RALYL: variants seen among roughly 807,000 people sequenced by gnomAD.
The protein encoded by RALYL is RALY RNA binding protein like.
RALYL carries 29 observed loss-of-function variants against 35.1 expected under a neutral mutation model. The observed-to-expected ratio is 0.83, with a 90% CI of 0.61 to 1.13. RALYL has a LOEUF of 1.13. Among genes scored for constraint, RALYL ranks in the 50% most tolerant of loss-of-function variants. RALYL has a pLI of 0.00. For synonymous variants in RALYL, 120 were observed against 127.6 expected, an observed-to-expected ratio of 0.94 and a Z score of 0.40; for missense variants, 359 against 360.4, an observed-to-expected ratio of 1.00 and a Z score of 0.03.
At chr8:84,382,159 T>G (rs895786148) in intron 1 of RALYL, among the ~76,000 whole-genome samples, 3 of 151,188 alleles carry the variant, frequency 2.0e-5, no homozygotes, top group Admixed American at 2.0e-4. Context: ...AATGAACACA[T>G]GCTAGTTAAA....
intron 6 of RALYL, among the ~76,000 whole-genome samples, chr8:84,868,441 C>G (rs778013325): frequency 3.9e-5 from 6 of 152,172 alleles, no homozygotes; most frequent in Non-Finnish European, 8.8e-5. Flanking sequence ...AACTCTCCTG[C>G]CTCAGCCTCC....
intron 4 of RALYL, among the ~76,000 whole-genome samples, chr8:84,836,602 T>C (rs1410275866): frequency 2.0e-5 from 3 of 152,256 alleles, no homozygotes; most frequent in Non-Finnish European, 2.9e-5. Flanking sequence ...TAAAAATTTA[T>C]ATGTATTCCC....
chr8:84,578,706 G>A (rs138804408), intron 2 of RALYL, among the ~76,000 whole-genome samples: 1 of 152,304 alleles, frequency 6.6e-6, no homozygotes, highest in African/African-American at 2.4e-5. Context: ...TCAGTGGAGA[G>A]ATGAACCACA....
At chr8:84,625,022 T>C (rs1293925416) in intron 2 of RALYL, among the ~76,000 whole-genome samples, 1 of 152,216 alleles carries the variant, frequency 6.6e-6, no homozygotes, top group Non-Finnish European at 1.5e-5. Flanking sequence ...AACTGGAGTT[T>C]ATTTGAATAG....
At chr8:84,405,550 A>C (rs1362847340) in intron 1 of RALYL, among the ~76,000 whole-genome samples, 1 of 152,186 alleles carries the variant, frequency 6.6e-6, no homozygotes, top group Admixed American at 6.5e-5. Context: ...CCACAGAAAT[A>C]CAAACTACTA....
intron 1 of RALYL, among the ~76,000 whole-genome samples, chr8:84,219,841 A>G (rs1159826230): frequency 6.6e-6 from 1 of 151,564 alleles, no homozygotes; most frequent in Non-Finnish European, 1.5e-5. Context: ...CCCTCTTAAA[A>G]GGTAATGATA....
At chr8:84,676,944 G>A (rs555155650) in intron 2 of RALYL, among the ~76,000 whole-genome samples, 6 of 152,054 alleles carry the variant, frequency 3.9e-5, no homozygotes, top group Non-Finnish European at 8.8e-5. Flanking sequence ...TAGGACTACA[G>A]GCACATGCCA....
chr8:84,289,327 T>C (rs918969376), intron 1 of RALYL, among the ~76,000 whole-genome samples: 2 of 152,150 alleles, frequency 1.3e-5, no homozygotes, highest in Admixed American at 6.6e-5. Context: ...TGCAAGTTTT[T>C]TAAAGTAAAG....
chr8:84,278,874 C>T (rs1004085166), intron 1 of RALYL, among the ~76,000 whole-genome samples: 12 of 152,210 alleles, frequency 7.9e-5, no homozygotes, highest in Non-Finnish European at 1.5e-5. Context: ...CTTCTGAGCC[C>T]TCCAAGTGGT....
rs185239810 is a variant in RALYL at position 84,368,603 on chromosome 8, A to G, written c.-23-160696A>G. Among the ~76,000 whole-genome samples the G allele has an allele frequency of 1.4e-3, 213 of 152,300 alleles. 2 individuals are homozygous for G. The highest frequency in any genetic ancestry group is 4.9e-3 in the African/African-American group (204 of 41,578). On this transcript the variant is annotated intron_variant, in intron 1 of 8. Transcript: ENST00000521268. ...ACAATCATGGTGGAAGGTGAAAGGCACGTCTCACGTGGCAGCAGACAAGAT... is the reference window on the plus strand; with the variant it reads ...ACAATCATGGTGGAAGGTGAAAGGCGCGTCTCACGTGGCAGCAGACAAGAT...
At chr8:84,381,884 TC>T (rs1224353641) in intron 1 of RALYL, among the ~76,000 whole-genome samples, 1 of 151,798 alleles carries the variant, frequency 6.6e-6, no homozygotes, top group African/African-American at 2.4e-5. Flanking sequence ...TCCTTGTTGT[TC>T]CTTTCTCTCA....
intron 1 of RALYL, among the ~76,000 whole-genome samples, chr8:84,219,196 A>G (rs1821585859): frequency 6.6e-6 from 1 of 152,060 alleles, no homozygotes; most frequent in African/African-American, 2.4e-5. Flanking sequence ...CAAGGAAGAG[A>G]CCTGGTGGAG....
intron 1 of RALYL, among the ~76,000 whole-genome samples, chr8:84,365,297 A>T (rs534161128): frequency 6.6e-6 from 1 of 152,128 alleles, no homozygotes; most frequent in Non-Finnish European, 1.5e-5. Context: ...TTTCACTCAT[A>T]TATTCACCCA....
chr8:84,611,897 C>T (rs1212439707), intron 2 of RALYL, among the ~76,000 whole-genome samples: 2 of 152,040 alleles, frequency 1.3e-5, no homozygotes, highest in Admixed American at 1.3e-4. Context: ...CACTCTCATA[C>T]TAGTAAACAA....
chr8:84,638,293 C>G (rs1825487204), intron 2 of RALYL, among the ~76,000 whole-genome samples: 1 of 151,948 alleles, frequency 6.6e-6, no homozygotes, highest in Non-Finnish European at 1.5e-5. Flanking sequence ...ATCAAAACTT[C>G]TGGGACACAG....
intron 1 of RALYL, among the ~76,000 whole-genome samples, chr8:84,395,983 G>C (rs769089948): frequency 8.1e-4 from 122 of 151,474 alleles, no homozygotes; most frequent in Non-Finnish European, 1.6e-3. Flanking sequence ...TAATAGTTTT[G>C]GAAGTGAATG....
intron 2 of RALYL, among the ~76,000 whole-genome samples, chr8:84,623,806 A>C (rs1258304422): frequency 3.3e-5 from 5 of 152,154 alleles, no homozygotes; most frequent in Non-Finnish European, 7.4e-5. Context: ...AAAAATTTAA[A>C]ATATCCTTGA....
intron 2 of RALYL, among the ~76,000 whole-genome samples, chr8:84,700,407 A>G (rs1018781695): frequency 6.6e-6 from 1 of 152,156 alleles, no homozygotes; most frequent in African/African-American, 2.4e-5. Context: ...GCTTAATAAT[A>G]AAACCCAATT....
chr8:84,195,222 A>G (rs1814944753), intron 1 of RALYL, among the ~76,000 whole-genome samples: 1 of 152,106 alleles, frequency 6.6e-6, no homozygotes, highest in Non-Finnish European at 1.5e-5. Flanking sequence ...GGGATCTATT[A>G]TATGTAAGTC....
Sources: gnomAD v4.1 joint callset for allele counts (sites outside exome capture counted in the v4.1 genomes callset) on GRCh38, gnomAD v4.1.1 for gene constraint, MANE v1.5 for transcripts, NCBI Gene and HGNC (gene_info 2026-07-23, HGNC 2026-07-21) for gene names.